The following AATK variants were observed in gnomAD, a reference collection of about 807,000 sequenced individuals.
The protein encoded by AATK is serine/threonine-protein kinase LMTK1.
In AATK, 91 loss-of-function variants were observed where a neutral mutation model predicts 114.3. The observed-to-expected ratio is 0.80, with a 90% CI of 0.67 to 0.95. The LOEUF (loss-of-function observed/expected upper bound fraction) is 0.95, where lower values mean the gene tolerates loss of function less well. Ranked by LOEUF, AATK falls within the 40% of genes least tolerant of loss-of-function variation. The probability of loss-of-function intolerance (pLI) is 0.00; values close to 1 mark genes in which losing one functional copy is unlikely to be tolerated. For synonymous variants in AATK, 1,075 were observed against 916.5 expected, an observed-to-expected ratio of 1.17 and a Z score of -3.12; for missense variants, 2,176 against 1,965.2, an observed-to-expected ratio of 1.11 and a Z score of -2.03.
In AATK at chr17:81,121,195, T is replaced by A; in HGVS notation, c.2741A>T (p.Asp914Val). ...CGGGCTGAAGACCTCATAGCCACCATCACTGGCTGAGGACGGGATGTCCAG... is the reference window on the plus strand; with the variant it reads ...CGGGCTGAAGACCTCATAGCCACCAACACTGGCTGAGGACGGGATGTCCAG... ...DSLDIPSSAS[D>V]GGYEVFSPSA... The change falls in exon 11 of 14, where the codon GAT becomes GTT. Residue 914 changes from aspartate to valine, a missense_variant. Around this residue, in one of 4 missense-constraint regions of AATK, gnomAD observed 1,701 missense variants for 1,394.7 expected, o/e 1.22. Transcript: ENST00000326724. 6.2e-7 allele frequency: 1 copy of A among 1,604,198 alleles called. No homozygotes were observed. Among genetic ancestry groups the A allele is most frequent in the Non-Finnish European group, 8.5e-7 (1 of 1,175,858 alleles).
At position 81,119,360 on chromosome 17, in the gene AATK, C is replaced by G. The variant is rs1326209980; in HGVS notation, c.4084+20G>C. The G allele has an allele frequency of 2.0e-6, 1 of 511,520 alleles. No individual in the cohort carries two copies. The highest frequency in any genetic ancestry group is 2.9e-6 in the Non-Finnish European group (1 of 348,376). The allele number at this position is 511,520 out of a possible 1,614,324, so 31.7% of individuals were successfully genotyped here. A position where few individuals can be genotyped will look rare whatever the true frequency, so the allele number is the denominator to read the frequency against. On this transcript the variant is annotated intron_variant, in intron 13 of 13. Transcript: ENST00000326724. ...CTGCCTCCCGCGTGCCCTTCTGCCA[C>G]AGCCCCGCCCAGGCCTCACCTCTCT...
In AATK at chr17:81,122,510, T is replaced by G. The variant is rs1325283311; in HGVS notation, c.1426A>C (p.Asn476His). ...CCCGCCTCCCACTTGTACTCAAAAT[T>G]GAGGCCTCGGCTGGTCTCGGTCACC... is the stretch of plus-strand genomic sequence containing the variant. ...LTVTETSRGL[N>H]FEYKWEAGRG... is the part of the protein sequence containing the mutation. The change falls in exon 11 of 14, where the codon AAT (asparagine) becomes CAT (histidine). Residue 476 changes from asparagine (N) to histidine (H), a missense_variant. By Grantham distance (68) the Asn-to-His change is moderately conservative. Coordinates refer to ENST00000326724, the MANE Select transcript of AATK (RefSeq NM_001080395.3). 6.8e-7 allele frequency: 1 copy of G among 1,474,992 alleles called. No homozygotes were observed. The allele number at this position is 1,474,992 out of a possible 1,614,324, so 91.4% of individuals were successfully genotyped here. A position where few individuals can be genotyped will look rare whatever the true frequency, so the allele number is the denominator to read the frequency against.
Position 81,152,620 on chromosome 17 carries a change from GAGA to G in AATK, c.55+13315_55+13317del, listed in dbSNP as rs143914176. ...AAACCACAACAAAAGTCCTTTGTCA[GAGA>G]AGAAGAAGAATTCAACCAGGTCAGC... On this transcript the variant is annotated intron_variant, in intron 1 of 13. Coordinates refer to ENST00000326724, the MANE Select transcript of AATK (RefSeq NM_001080395.3). Among the ~76,000 whole-genome samples the G allele has an allele frequency of 6.4e-3, 969 of 152,232 alleles. 10 individuals are homozygous for G. The highest frequency in any genetic ancestry group is 0.022 in the African/African-American group (926 of 41,528).
intron 1 of AATK, among the ~76,000 whole-genome samples, chr17:81,150,509 G>T (rs1326024155): frequency 6.6e-6 from 1 of 151,064 alleles, no homozygotes; most frequent in African/African-American, 2.4e-5. Context: ...CACCAGGGAT[G>T]CCCCCTCTGG....
rs200822708 is a variant in AATK at position 81,122,041 on chromosome 17, G to A, written c.1895C>T (p.Ala632Val). ...CTCGAAGAAGGCAGGACAGAAGGCG[G>A]CCACGCCCCAGTCTGCATCCTCCGC... Reference protein sequence around the residue: ...GGAEDADWGVAAFCPAFFEDP... With the variant: ...GGAEDADWGVVAFCPAFFEDP... Residue 632 changes from alanine to valine, a missense_variant, in exon 11 of 14, where the codon GCC (alanine) becomes GTC (valine). Transcript: ENST00000326724. 4.4e-6 allele frequency: 7 copies of A among 1,598,168 alleles called. No individual in the cohort carries two copies. Among genetic ancestry groups the A allele is most frequent in the Non-Finnish European group, 5.1e-6 (6 of 1,178,734 alleles).
chr17:81,120,555 C>G lies in AATK; in HGVS notation c.3381G>C (p.Pro1127=). ...FQGPPGLLSG[P]APQKRMGGPG... ...GGCCCCCCATCCGCTTTTGTGGGGC[C>G]GGCCCTGACAACAGTCCTGGGGGCC... The change falls in exon 11 of 14, where the codon CCG becomes CCC. Residue 1127 remains proline, a synonymous_variant. Coordinates refer to ENST00000326724, the MANE Select transcript of AATK (RefSeq NM_001080395.3). 6.6e-7 allele frequency: 1 copy of G among 1,504,030 alleles called. No individual in the cohort carries two copies. The highest frequency in any genetic ancestry group is 1.4e-5 in the African/African-American group (1 of 71,294). 93.2% of individuals were successfully genotyped at this position (1,504,030 alleles called of 1,614,324 possible).
At chr17:81,131,970 A>T (rs780202314) in intron 2 of AATK, 198 of 1,326,982 alleles carry the variant, frequency 1.5e-4, no homozygotes, top group Non-Finnish European at 1.9e-4. Context: ...CGGAGCTCCC[A>T]GAACTCCTTA....
At chr17:81,120,114 G>C in intron 11 of AATK, 31 bp from the exon 12 acceptor site, 2 of 1,466,968 alleles carry the variant, frequency 1.4e-6, no homozygotes, top group Non-Finnish European at 1.8e-6. Flanking sequence ...CAGGTAGCTC[G>C]GCCGCCAGGA....
intron 1 of AATK, among the ~76,000 whole-genome samples, chr17:81,146,377 A>G (rs1429540605): frequency 6.6e-6 from 1 of 151,612 alleles, no homozygotes; most frequent in African/African-American, 2.4e-5. Context: ...AAAAACCACA[A>G]ACAAGCAAAC....
intron 9 of AATK, among the ~76,000 whole-genome samples, chr17:81,124,466 C>T (rs1016693760): frequency 3.3e-5 from 5 of 152,198 alleles, no homozygotes; most frequent in Admixed American, 3.3e-4. Context: ...TCAGGACAGA[C>T]CCCCCGGCAT....
In AATK at chr17:81,121,709, G is replaced by A. The variant is rs374375526; in HGVS notation, c.2227C>T (p.Pro743Ser). Reference protein sequence around the residue: ...AASAQEPGCCPGLPHLCSAQG... With the variant: ...AASAQEPGCCSGLPHLCSAQG... ...GCAGAGCATAGATGAGGGAGGCCGG[G>A]GCAGCAGCCTGGCTCCTGGGCAGAG... The change falls in exon 11 of 14, where the codon CCC becomes TCC. Residue 743 changes from proline to serine, a missense_variant. Around this residue, in one of 4 missense-constraint regions of AATK, gnomAD observed 1,701 missense variants for 1,394.7 expected, o/e 1.22. Transcript: ENST00000326724. 233 of 1,494,174 alleles carry A rather than the reference G, an allele frequency of 1.6e-4. No individual in the cohort carries two copies. In the African/African-American group the frequency reaches 3.1e-3, roughly 20 times the overall value. 92.6% of individuals were successfully genotyped at this position (1,494,174 alleles called of 1,614,324 possible).
In AATK at chr17:81,126,658, A is replaced by G; in HGVS notation, c.622-98T>C. The G allele has an allele frequency of 6.8e-7, 1 of 1,467,102 alleles. No individual in the cohort carries two copies. The highest frequency in any genetic ancestry group is 1.4e-5 in the South Asian group (1 of 73,694). 90.9% of individuals were successfully genotyped at this position (1,467,102 alleles called of 1,614,324 possible). ...CCCCAACTCCTCCACCCCTACCCAC[A>G]GCTGAGGGACAGCAGCTGCCCAGAG... On this transcript the variant is annotated intron_variant, in intron 6 of 13. Coordinates refer to ENST00000326724, the MANE Select transcript of AATK (RefSeq NM_001080395.3). This position sits in a 1 kb window ranked among gnomAD's most constrained non-coding sequence, Gnocchi z 5.1.
Position 81,122,411 on chromosome 17 carries a change from CG to C in AATK, c.1524del (p.Asp509ThrfsTer26). ...RTARLQELCA[P>X]DGAPPGVVPV... ...GGAACCACGCCCGGGGGCGCGCCGT[CG>C]GGGGCGCACAGCTCCTGCAGGCGTG... On this transcript the variant is annotated frameshift_variant, in exon 11 of 14. Transcript: ENST00000326724. LOFTEE classifies it high-confidence loss of function. 1 of 1,461,234 alleles carries C rather than the reference CG, an allele frequency of 6.8e-7. No homozygotes were observed. The highest frequency in any genetic ancestry group is 1.3e-5 in the South Asian group (1 of 77,744). The allele number at this position is 1,461,234 out of a possible 1,614,324, so 90.5% of individuals were successfully genotyped here. A position where few individuals can be genotyped will look rare whatever the true frequency, so the allele number is the denominator to read the frequency against.
chr17:81,160,604 CG>C (rs2061419623), intron 1 of AATK, among the ~76,000 whole-genome samples: 1 of 152,204 alleles, frequency 6.6e-6, no homozygotes, highest in Non-Finnish European at 1.5e-5. Flanking sequence ...GCGGAGGGGA[CG>C]GGAGTCTCCC....
intron 1 of AATK, among the ~76,000 whole-genome samples, chr17:81,142,174 G>T (rs1290883321): frequency 6.6e-6 from 1 of 152,026 alleles, no homozygotes; most frequent in Admixed American, 6.6e-5. Flanking sequence ...AGCCAGGCTG[G>T]TCTCAAACTC....
Position 81,134,367 on chromosome 17 carries a change from C to T in AATK, c.189+1G>A. 2.5e-6 allele frequency: 4 copies of T among 1,613,078 alleles called. No homozygotes were observed. The highest frequency in any genetic ancestry group is 3.4e-6 in the Non-Finnish European group (4 of 1,179,772). ...CAGCTCCCGCGGCCCCCAGGCCTCA[C>T]CTTGAACCCGATACCGCCCTTCTTA... is the stretch of plus-strand genomic sequence containing the variant. On this transcript the variant is annotated splice_donor_variant, in intron 2 of 13. Coordinates refer to ENST00000326724, the MANE Select transcript of AATK (RefSeq NM_001080395.3). LOFTEE classifies it high-confidence loss of function.
In AATK at chr17:81,123,461, G is replaced by A. The variant is rs576213189; in HGVS notation, c.963-118C>T. On this transcript the variant is annotated intron_variant, in intron 9 of 13. Transcript: ENST00000326724. ...GCCATCACGCCAGTGCCTCAGGACC[G>A]GGGCCTGGTACCATACCAGCCGCCC... 3.8e-4 allele frequency: 368 copies of A among 961,884 alleles called. 3 individuals are homozygous for A. The South Asian group carries it at 5.9e-3, about 15-fold the overall frequency. 59.6% of individuals were successfully genotyped at this position (961,884 alleles called of 1,614,324 possible). A position where few individuals can be genotyped will look rare whatever the true frequency, so the allele number is the denominator to read the frequency against.
chr17:81,122,433 G>T lies in AATK; in HGVS notation c.1503C>A (p.Arg501=). 2.1e-6 allele frequency: 3 copies of T among 1,454,688 alleles called. No homozygotes were observed. Among genetic ancestry groups the T allele is most frequent in the South Asian group, 1.3e-5 (1 of 77,702 alleles). 90.1% of individuals were successfully genotyped at this position (1,454,688 alleles called of 1,614,324 possible). ...PATLSPGRTA[R]LQELCAPDGA... ...CGTCGGGGGCGCACAGCTCCTGCAGGCGTGCGGTGCGGCCAGGGCTCAGCG... is the reference window on the plus strand; with the variant it reads ...CGTCGGGGGCGCACAGCTCCTGCAGTCGTGCGGTGCGGCCAGGGCTCAGCG... Residue 501 remains arginine (R), a synonymous_variant, in exon 11 of 14, where the codon CGC becomes CGA. Transcript: ENST00000326724.
chr17:81,119,167 T>TGAGGGCCAGGC (rs2060634016), intron 13 of AATK, among the ~76,000 whole-genome samples: 1 of 116,582 alleles, frequency 8.6e-6, no homozygotes, highest in African/African-American at 3.2e-5. Context: ...GAGGGTCAGG[T>TGAGGGCCAGGC]GAGGGTCAGG....
Sources: gnomAD v4.1 joint callset for allele counts (sites outside exome capture counted in the v4.1 genomes callset) on GRCh38, gnomAD v4.1.1 for gene constraint, gnomAD v4.1.1 regional missense constraint, Gnocchi (gnomAD v3.1) non-coding constraint, MANE v1.5 for transcripts, NCBI Gene and HGNC (gene_info 2026-07-23, HGNC 2026-07-21) for gene names.